DMD: variants seen among roughly 807,000 people sequenced by gnomAD.
The protein encoded by DMD is dystrophin.
Under a neutral mutation model 330.1 loss-of-function variants are expected in DMD, and 63 were observed. The observed-to-expected ratio is 0.19, with a 90% CI of 0.16 to 0.24. DMD has a LOEUF of 0.24. Ranked by LOEUF, DMD falls within the 10% of genes least tolerant of loss-of-function variation. DMD has a pLI of 1.00. For missense variants in DMD, 3,344 were observed against 2,684.1 expected (o/e 1.25, Z -5.43); for synonymous variants, 1,223 against 959.8 (o/e 1.27, Z -5.07).
chrX:32,659,830 T>C (rs1042524224), intron 9 of DMD, among the ~76,000 whole-genome samples: 4 of 110,761 alleles, frequency 3.6e-5, no homozygotes, highest in Non-Finnish European at 7.6e-5. Flanking sequence ...GGCTTCCCTA[T>C]TCAAGGAAAG....
intron 22 of DMD, among the ~76,000 whole-genome samples, chrX:32,470,191 T>C (rs1419214653): frequency 9.0e-6 from 1 of 110,966 alleles, no homozygotes; most frequent in East Asian, 2.8e-4. Context: ...CATATATGTC[T>C]CTTTTTGGAG....
intron 2 of DMD, among the ~76,000 whole-genome samples, chrX:32,961,610 A>G (rs1430408843): frequency 9.0e-6 from 1 of 111,699 alleles, no homozygotes; most frequent in Non-Finnish European, 1.9e-5. Flanking sequence ...TTTAATTAGC[A>G]TACTGTAAAG....
intron 1 of DMD, among the ~76,000 whole-genome samples, chrX:33,112,331 T>C (rs1217072911): frequency 1.8e-5 from 2 of 111,435 alleles, no homozygotes; most frequent in African/African-American, 6.5e-5. Context: ...GTTTCAGGCA[T>C]CCACCAGGGG....
intron 60 of DMD, among the ~76,000 whole-genome samples, chrX:31,379,578 C>T (rs1316380255): frequency 8.9e-6 from 1 of 111,780 alleles, no homozygotes; most frequent in Non-Finnish European, 1.9e-5. Context: ...TCAAACCCCA[C>T]AAGACTTAAT....
At chrX:31,649,746 T>C (rs1336517366) in intron 54 of DMD, among the ~76,000 whole-genome samples, 1 of 110,764 alleles carries the variant, frequency 9.0e-6, no homozygotes, top group African/African-American at 3.3e-5. Flanking sequence ...TAACTATACA[T>C]ATGACTCTCT....
At chrX:32,470,185 T>A (rs1162238851) in intron 22 of DMD, among the ~76,000 whole-genome samples, 1 of 111,062 alleles carries the variant, frequency 9.0e-6, no homozygotes, top group Non-Finnish European at 1.9e-5. Context: ...ATTATTCATA[T>A]ATGTCTCTTT....
At chrX:33,262,081 A>AAAAGAAC (rs936144351) in intron 1 of DMD, among the ~76,000 whole-genome samples, 1 of 111,524 alleles carries the variant, frequency 9.0e-6, no homozygotes, top group African/African-American at 3.3e-5. Context: ...AAACTCAATA[A>AAAAGAAC]AAAGAACAAG....
At chrX:31,919,616 A>G (rs1257636885) in intron 47 of DMD, among the ~76,000 whole-genome samples, 2 of 112,374 alleles carry the variant, frequency 1.8e-5, no homozygotes, top group Non-Finnish European at 3.8e-5. Flanking sequence ...ATGTTCACAA[A>G]TTATAAGTGC....
chrX:31,202,841 CA>C (rs1256945973), intron 67 of DMD, among the ~76,000 whole-genome samples: 2 of 112,265 alleles, frequency 1.8e-5, no homozygotes, highest in Non-Finnish European at 3.8e-5. Flanking sequence ...GATAGCGTTA[CA>C]ATTAGAACAA....
Position 32,699,171 on chromosome X carries a change from G to T in DMD, c.772C>A (p.Pro258Thr), listed in dbSNP as rs773066825. 6 of 1,208,350 alleles carry T rather than the reference G, an allele frequency of 5.0e-6. No homozygotes were observed. The African/African-American group carries it at 7.0e-5, about 14-fold the overall frequency. The part of the protein sequence containing the change: ...IQEVEMLPRP[P>T]KVTKEEHFQL... ...AAATGTTCTTCTTTAGTCACTTTAG[G>T]TGGCCTTGGCAACATTTCCACTTCC... is the stretch of plus-strand genomic sequence containing the variant. The change falls in exon 8 of 79, where the codon CCT becomes ACT. Residue 258 changes from proline to threonine, a missense_variant. Coordinates refer to ENST00000357033, the MANE Select transcript of DMD (RefSeq NM_004006.3).
At chrX:32,263,015 C>T (rs2097329710) in intron 43 of DMD, among the ~76,000 whole-genome samples, 1 of 111,871 alleles carries the variant, frequency 8.9e-6, no homozygotes. Flanking sequence ...ACTAAGAAAC[C>T]ATCTGCATGG....
At chrX:33,331,675 A>G (rs1054034065) in intron 1 of DMD, among the ~76,000 whole-genome samples, 8 of 111,704 alleles carry the variant, frequency 7.2e-5, no homozygotes, top group African/African-American at 2.6e-4. Context: ...GTACATTGAC[A>G]GCAATTAATC....
intron 4 of DMD, among the ~76,000 whole-genome samples, 187 bp downstream of exon 4, chrX:32,844,596 A>G (rs1371704121): frequency 9.0e-6 from 1 of 111,463 alleles, no homozygotes; most frequent in Non-Finnish European, 1.9e-5. Context: ...GGCAGCATGC[A>G]TTTGCTTCCT....
chrX:31,136,788 A>G (rs1416739995), intron 76 of DMD, among the ~76,000 whole-genome samples: 1 of 111,325 alleles, frequency 9.0e-6, no homozygotes, highest in Non-Finnish European at 1.9e-5. Flanking sequence ...TTCCAGATAA[A>G]CTCTCTGTGA....
chrX:32,357,528 T>C (rs1421297106), intron 37 of DMD, among the ~76,000 whole-genome samples: 1 of 110,651 alleles, frequency 9.0e-6, no homozygotes, highest in Non-Finnish European at 1.9e-5. Context: ...CTCCCATAGC[T>C]ATCCCTTTTT....
At chrX:32,707,809 G>A (rs1465211953) in intron 7 of DMD, among the ~76,000 whole-genome samples, 1 of 111,923 alleles carries the variant, frequency 8.9e-6, no homozygotes, top group Non-Finnish European at 1.9e-5. Context: ...GGAGACTACA[G>A]ATAGAAAAAC....
intron 27 of DMD, among the ~76,000 whole-genome samples, chrX:32,442,490 G>C (rs1360226299): frequency 9.0e-6 from 1 of 110,996 alleles, no homozygotes; most frequent in Non-Finnish European, 1.9e-5. Context: ...TGAGAAGTTT[G>C]ACAATTCCAC....
chrX:31,664,879 C>T (rs1026614125), intron 53 of DMD, among the ~76,000 whole-genome samples: 7 of 110,237 alleles, frequency 6.3e-5, no homozygotes, highest in Non-Finnish European at 1.1e-4. Context: ...TGTGTAAAAC[C>T]TTTCAATGGT....
chrX:32,259,627 A>C (rs923740269), intron 43 of DMD, among the ~76,000 whole-genome samples: 2 of 111,665 alleles, frequency 1.8e-5, no homozygotes, highest in Non-Finnish European at 3.8e-5. Flanking sequence ...TGCTATCTGC[A>C]TGAATGACTA....
Sources: allele counts gnomAD v4.1 joint callset (sites outside exome capture counted in the v4.1 genomes callset), GRCh38; gene constraint gnomAD v4.1.1; transcripts MANE v1.5; gene names NCBI Gene and HGNC (gene_info 2026-07-23, HGNC 2026-07-21).